The following DGKB variants were observed in gnomAD, a reference collection of about 807,000 sequenced individuals.
DGKB encodes the protein 90 kDa diacylglycerol kinase.
Under a neutral mutation model 114.3 loss-of-function variants are expected in DGKB, and 67 were observed. That is an observed-to-expected ratio of 0.59 (90% confidence interval 0.48 to 0.72). The LOEUF (loss-of-function observed/expected upper bound fraction) is 0.72. Among genes scored for constraint, DGKB ranks in the 30% least tolerant of loss-of-function variants. DGKB has a pLI of 0.00. For synonymous variants in DGKB, 398 were observed against 323.1 expected, an observed-to-expected ratio of 1.23 and a Z score of -2.49; for missense variants, 907 against 975.2, an observed-to-expected ratio of 0.93 and a Z score of 0.93.
chr7:14,710,233 G>C (rs1289392021), intron 6 of DGKB, among the ~76,000 whole-genome samples: 1 of 151,816 alleles, frequency 6.6e-6, no homozygotes, highest in Non-Finnish European at 1.5e-5. Context: ...CTTTCAAATA[G>C]TTTTTAAAGA....
At chr7:14,830,906 C>T (rs996822513) in intron 2 of DGKB, among the ~76,000 whole-genome samples, 8 of 151,742 alleles carry the variant, frequency 5.3e-5, no homozygotes, top group Non-Finnish European at 8.8e-5. Context: ...AAACTGTGTG[C>T]ACACACATGC....
chr7:14,904,421 GGGTTAA>G (rs1783555177), upstream of DGKB, among the ~76,000 whole-genome samples: 2 of 151,988 alleles, frequency 1.3e-5, no homozygotes, highest in Admixed American at 1.3e-4. Flanking sequence ...GGGTTAATCA[GGGTTAA>G]ATTAAACAGA....
chr7:14,182,291 AATT>A (rs1278245680), intron 23 of DGKB, among the ~76,000 whole-genome samples: 1 of 151,942 alleles, frequency 6.6e-6, no homozygotes, highest in Non-Finnish European at 1.5e-5. Flanking sequence ...AAATTTTAAT[AATT>A]ATTGAACTTC....
In DGKB at chr7:14,877,485, G is replaced by T. The variant is rs538996337; in HGVS notation, c.-188+25107C>A. Among the ~76,000 whole-genome samples, 8 of 152,290 alleles carry T rather than the reference G, an allele frequency of 5.3e-5. No individual in the cohort carries two copies. The South Asian group carries it at 1.5e-3, about 28-fold the overall frequency. On this transcript the variant is annotated intron_variant, in intron 1 of 25. Transcript: ENST00000402815. The stretch of plus-strand genomic sequence containing the variant: ...CAGGAGAATCCCTTGAACCCAGGAG[G>T]CAGAGGTTGCAGTGAGCTGAGATAG...
intron 1 of DGKB, among the ~76,000 whole-genome samples, chr7:14,970,083 T>C (rs1787370084): frequency 6.6e-6 from 1 of 152,198 alleles, no homozygotes; most frequent in Non-Finnish European, 1.5e-5. Context: ...CAATAGATCA[T>C]TAAGTGTAGT....
chr7:14,537,124 C>G (rs142113562), intron 20 of DGKB, among the ~76,000 whole-genome samples: 1 of 151,924 alleles, frequency 6.6e-6, no homozygotes, highest in Admixed American at 6.6e-5. Flanking sequence ...AGGTGAAAGA[C>G]TAGTAAGTTG....
intron 20 of DGKB, among the ~76,000 whole-genome samples, chr7:14,512,592 C>G (rs534594309): frequency 1.3e-5 from 2 of 151,988 alleles, no homozygotes; most frequent in Non-Finnish European, 2.9e-5. Context: ...ATAGACGTCT[C>G]AGGTTTTAGA....
chr7:14,391,170 C>T (rs1281059762), intron 21 of DGKB, among the ~76,000 whole-genome samples: 1 of 152,128 alleles, frequency 6.6e-6, no homozygotes, highest in African/African-American at 2.4e-5. Context: ...ACATTAAATT[C>T]ACTTTTAAGA....
At chr7:14,292,159 T>C (rs1801871183) in intron 23 of DGKB, among the ~76,000 whole-genome samples, 3 of 152,196 alleles carry the variant, frequency 2.0e-5, no homozygotes, top group South Asian at 4.1e-4. Context: ...GAATGTCTTT[T>C]GGGAAAATAC....
At chr7:14,313,440 G>A (rs1444132062) in intron 23 of DGKB, among the ~76,000 whole-genome samples, 2 of 152,162 alleles carry the variant, frequency 1.3e-5, no homozygotes, top group African/African-American at 2.4e-5. Flanking sequence ...CCGAAGCAGG[G>A]CGAGGCATTG....
At chr7:14,257,226 TA>T (rs1046018389) in intron 23 of DGKB, among the ~76,000 whole-genome samples, 24 of 152,128 alleles carry the variant, frequency 1.6e-4, no homozygotes, top group Admixed American at 3.3e-4. Context: ...CTAATTTTTT[TA>T]AAAAATTAGA....
At position 14,892,820 on chromosome 7, in the gene DGKB, G is replaced by A. The variant is rs1386280685; in HGVS notation, c.-188+9772C>T. ...TCTTTTCTCTGCTTTTTCTTTATAG[G>A]CAGTGTACATTCTGGTCAAAGTCAA... On this transcript the variant is annotated intron_variant, in intron 1 of 25. Coordinates refer to ENST00000402815, the MANE Select transcript of DGKB (RefSeq NM_001350709.2). 2.0e-5 allele frequency among the ~76,000 whole-genome samples: 3 copies of A among 149,734 alleles called. No homozygotes were observed. The Admixed American group carries it at 2.0e-4, about 10-fold the overall frequency.
chr7:14,545,128 T>G (rs112101340), intron 20 of DGKB, among the ~76,000 whole-genome samples: 55 of 152,170 alleles, frequency 3.6e-4, no homozygotes, highest in African/African-American at 1.3e-3. Flanking sequence ...TGTTTTCTTT[T>G]TCTACTCATT....
intron 1 of DGKB, among the ~76,000 whole-genome samples, chr7:14,956,420 A>G (rs192284117): frequency 2.0e-5 from 3 of 152,030 alleles, no homozygotes; most frequent in Non-Finnish European, 2.9e-5. Flanking sequence ...TTAATAAATT[A>G]AAGTTTTGGT....
intron 4 of DGKB, among the ~76,000 whole-genome samples, chr7:14,740,037 G>T (rs1832343648): frequency 6.6e-6 from 1 of 152,232 alleles, no homozygotes; most frequent in Non-Finnish European, 1.5e-5. Context: ...AGCCGCAGCT[G>T]CTGCCCAGGC....
chr7:14,695,492 C>CTT (rs1452686512), intron 8 of DGKB, among the ~76,000 whole-genome samples: 3 of 73,362 alleles, frequency 4.1e-5, no homozygotes, highest in African/African-American at 1.2e-4. Context: ...CTCTCTCTCT[C>CTT]TCTTTTTTTT....
chr7:14,226,248 C>A (rs1448981271), intron 23 of DGKB, among the ~76,000 whole-genome samples: 1 of 151,834 alleles, frequency 6.6e-6, no homozygotes, highest in Non-Finnish European at 1.5e-5. Flanking sequence ...CATATAATCC[C>A]TAGTTACTCA....
intron 13 of DGKB, among the ~76,000 whole-genome samples, chr7:14,665,388 A>C (rs1817857713): frequency 6.6e-6 from 1 of 151,870 alleles, no homozygotes; most frequent in African/African-American, 2.4e-5. Flanking sequence ...TGGGAGGAGG[A>C]AGAGGATGAG....
intron 23 of DGKB, among the ~76,000 whole-genome samples, chr7:14,330,543 C>A (rs562574500): frequency 2.3e-4 from 35 of 151,930 alleles, no homozygotes; most frequent in Admixed American, 7.2e-4. Context: ...ACCAATTCTA[C>A]CATAAAAAGT....
Sources: allele counts gnomAD v4.1 joint callset (sites outside exome capture counted in the v4.1 genomes callset), GRCh38; gene constraint gnomAD v4.1.1; transcripts MANE v1.5; gene names NCBI Gene and HGNC (gene_info 2026-07-23, HGNC 2026-07-21).